The following CAST variants were observed in gnomAD, a reference collection of about 807,000 sequenced individuals.
CAST encodes the protein calpastatin.
A neutral mutation model predicts 119.6 loss-of-function variants in CAST; 76 were observed. That is an observed-to-expected ratio of 0.64 (90% CI 0.53 to 0.77). The LOEUF is 0.77. Among genes scored for constraint, CAST ranks in the 30% least tolerant of loss-of-function variants. CAST has a pLI of 0.00. For synonymous variants in CAST, 319 were observed against 331.6 expected (o/e 0.96, Z 0.41); for missense variants, 953 against 946.5 (o/e 1.01, Z -0.09).
chr5:96,458,960 A>G, the CAST span, among the ~76,000 whole-genome samples: 1 of 152,136 alleles, frequency 6.6e-6, no homozygotes, highest in Non-Finnish European at 1.5e-5. Context: ...TTATTTATGC[A>G]TTCTAGGCAC....
chr5:96,717,499 A>G (rs1352525783), intron 3 of CAST, among the ~76,000 whole-genome samples: 3 of 152,228 alleles, frequency 2.0e-5, no homozygotes, highest in African/African-American at 4.8e-5. Flanking sequence ...ATTGGTTCAC[A>G]TGCATTAACT....
chr5:96,649,475 G>A (rs530420119), intron 1 of CAST, among the ~76,000 whole-genome samples: 121 of 152,256 alleles, frequency 7.9e-4, no homozygotes, highest in African/African-American at 2.6e-3. Context: ...TCATCTTCTC[G>A]TAAATATTTG....
the CAST span, among the ~76,000 whole-genome samples, chr5:96,370,744 C>A: frequency 1.2e-3 from 189 of 152,268 alleles, no homozygotes; most frequent in African/African-American, 4.2e-3. Flanking sequence ...TTCAGAGAGA[C>A]CTGATGTGGT....
At chr5:96,665,775 T>C (rs1749254796) in intron 1 of CAST, among the ~76,000 whole-genome samples, 1 of 151,080 alleles carries the variant, frequency 6.6e-6, no homozygotes, top group African/African-American at 2.4e-5. Flanking sequence ...CATACACACA[T>C]ACAAACATAT....
the CAST span, among the ~76,000 whole-genome samples, chr5:96,310,040 T>TA: frequency 6.6e-6 from 1 of 152,234 alleles, no homozygotes; most frequent in Non-Finnish European, 1.5e-5. Context: ...TTTTCACCAT[T>TA]GAGTATAATG....
the CAST span, among the ~76,000 whole-genome samples, chr5:96,319,885 C>T: frequency 8.6e-5 from 13 of 151,728 alleles, no homozygotes; most frequent in East Asian, 4.0e-4. Flanking sequence ...CAGGGCCAGC[C>T]GGGTGGTTTT....
chr5:95,977,417 A>T, the CAST span, among the ~76,000 whole-genome samples: 2 of 152,234 alleles, frequency 1.3e-5, no homozygotes, highest in Admixed American at 6.5e-5. Flanking sequence ...ATACCTTCAC[A>T]TTGTCAATTA....
the CAST span, among the ~76,000 whole-genome samples, chr5:96,518,674 GAGA>G: frequency 2.6e-5 from 4 of 152,172 alleles, no homozygotes; most frequent in East Asian, 7.7e-4. Context: ...AACCTTTCAT[GAGA>G]AGGAGTAATA....
the CAST span, among the ~76,000 whole-genome samples, chr5:96,102,693 T>C: frequency 6.6e-6 from 1 of 151,386 alleles, no homozygotes; most frequent in Non-Finnish European, 1.5e-5. Context: ...GCATTGTTTA[T>C]GACTATTTGT....
the CAST span, among the ~76,000 whole-genome samples, chr5:96,375,690 C>T: frequency 1.3e-5 from 2 of 151,490 alleles, no homozygotes; most frequent in Non-Finnish European, 2.9e-5. Flanking sequence ...AAGGAGATTA[C>T]CTTGTATAAT....
chr5:96,691,384 TTAGAA>T (rs1752710315), intron 2 of CAST, among the ~76,000 whole-genome samples: 1 of 152,250 alleles, frequency 6.6e-6, no homozygotes, highest in Admixed American at 6.5e-5. Context: ...TATCCCATTA[TTAGAA>T]TCATGAGCTA....
chr5:96,166,047 C>T, the CAST span, among the ~76,000 whole-genome samples: 1 of 152,174 alleles, frequency 6.6e-6, no homozygotes, highest in Admixed American at 6.5e-5. Context: ...TAAATCAAGT[C>T]CTGCTTGGTA....
At chr5:96,092,402 T>C in the CAST span, among the ~76,000 whole-genome samples, 2 of 152,222 alleles carry the variant, frequency 1.3e-5, no homozygotes, top group African/African-American at 4.8e-5. Context: ...ACATTTGCTC[T>C]TTCAGGATTT....
intron 30 of CAST, among the ~76,000 whole-genome samples, chr5:96,770,823 C>T (rs1387081096): frequency 1.3e-5 from 2 of 152,140 alleles, no homozygotes; most frequent in African/African-American, 2.4e-5. Flanking sequence ...GTTCTTGACA[C>T]AACCCAATTT....
chr5:96,413,963 CAAAAAAA>C, the CAST span, among the ~76,000 whole-genome samples: 446 of 22,426 alleles, frequency 0.02, 3 homozygotes, highest in African/African-American at 0.036. Flanking sequence ...ACTAAAAATA[CAAAAAAA>C]AAAAAAAAAA....
At chr5:96,245,653 C>T in the CAST span, among the ~76,000 whole-genome samples, 4,959 of 150,306 alleles carry the variant, frequency 0.033, 276 homozygotes, top group African/African-American at 0.12. Context: ...AGTGAGTAGA[C>T]ACTGGCAGGC....
chr5:96,768,563 T>G (rs1214359309), intron 29 of CAST: 1 of 343,730 alleles, frequency 2.9e-6, no homozygotes, highest in Non-Finnish European at 5.6e-6. Flanking sequence ...AAAACACTGC[T>G]TAACGTTATT....
At chr5:96,040,520 A>G in the CAST span, among the ~76,000 whole-genome samples, 1 of 152,096 alleles carries the variant, frequency 6.6e-6, no homozygotes, top group Non-Finnish European at 1.5e-5. Flanking sequence ...TGTCCTAAAT[A>G]GCTCTTTTTA....
the CAST span, among the ~76,000 whole-genome samples, chr5:96,140,432 A>G: frequency 6.6e-6 from 1 of 152,244 alleles, no homozygotes; most frequent in African/African-American, 2.4e-5. Context: ...GTGAGAACAG[A>G]ATAGAATAAT....
Sources: gnomAD v4.1 joint callset for allele counts (sites outside exome capture counted in the v4.1 genomes callset) on GRCh38, gnomAD v4.1.1 for gene constraint, MANE v1.5 for transcripts, NCBI Gene and HGNC (gene_info 2026-07-23, HGNC 2026-07-21) for gene names.